The following NBEA variants were observed in gnomAD, a reference collection of about 807,000 sequenced individuals.
The protein encoded by NBEA is lysosomal-trafficking regulator 2.
A neutral mutation model predicts 343.4 loss-of-function variants in NBEA; 44 were observed. That is an observed-to-expected ratio of 0.13 (90% confidence interval 0.10 to 0.16). The LOEUF is 0.16. Among genes scored for constraint, NBEA ranks in the 10% least tolerant of loss-of-function variants. The probability of loss-of-function intolerance (pLI) is 1.00; values close to 1 mark genes in which losing one functional copy is unlikely to be tolerated. For missense variants in NBEA, 2,555 were observed against 3,631.3 expected (o/e 0.70, Z 7.62); for synonymous variants, 1,175 against 1,238.7 (o/e 0.95, Z 1.08).
chr13:35,303,445 C>G (rs555915427), intron 35 of NBEA, among the ~76,000 whole-genome samples: 3 of 152,166 alleles, frequency 2.0e-5, no homozygotes, highest in Admixed American at 1.3e-4. Flanking sequence ...GAATTTAAAA[C>G]CACATATATC....
chr13:35,502,241 A>T (rs1056064169), intron 41 of NBEA, among the ~76,000 whole-genome samples: 26 of 152,214 alleles, frequency 1.7e-4, no homozygotes, highest in Middle Eastern at 3.4e-3. Flanking sequence ...GCTATAAAAA[A>T]TTTTTGTTTA....
chr13:35,526,235 A>C (rs142132241), intron 41 of NBEA, among the ~76,000 whole-genome samples: 1 of 152,244 alleles, frequency 6.6e-6, no homozygotes, highest in Non-Finnish European at 1.5e-5. Context: ...TTATTTTGCT[A>C]TGAAACGGTC....
At chr13:35,360,409 A>G (rs2040742556) in intron 38 of NBEA, among the ~76,000 whole-genome samples, 1 of 152,036 alleles carries the variant, frequency 6.6e-6, no homozygotes, top group Non-Finnish European at 1.5e-5. Context: ...CATCCTAAAG[A>G]GGAAGTTAAC....
rs535233823 is a variant in NBEA at position 35,472,331 on chromosome 13, T to C, written c.6449-69T>C. 27 of 1,540,312 alleles carry C rather than the reference T, an allele frequency of 1.8e-5. No homozygotes were observed. In the East Asian group the frequency reaches 5.4e-4, roughly 31 times the overall value. Reference sequence around the variant, plus strand: ...CATCCTTACCAATAAAAACCTCTGGTACCTTTCTGGGAGGGAGCAGGAAGG... The same window carrying C: ...CATCCTTACCAATAAAAACCTCTGGCACCTTTCTGGGAGGGAGCAGGAAGG... On this transcript the variant is annotated intron_variant, in intron 40 of 58. Coordinates refer to ENST00000379939, the MANE Select transcript of NBEA (RefSeq NM_001385012.1).
chr13:35,359,085 C>G (rs928433796), intron 38 of NBEA, among the ~76,000 whole-genome samples: 1 of 152,140 alleles, frequency 6.6e-6, no homozygotes, highest in South Asian at 2.1e-4. Flanking sequence ...GGATTTGTGA[C>G]TTTATCCTAA....
At chr13:35,478,542 T>C (rs1467642331) in intron 41 of NBEA, among the ~76,000 whole-genome samples, 2 of 152,244 alleles carry the variant, frequency 1.3e-5, no homozygotes, top group Admixed American at 6.5e-5. Flanking sequence ...CTGCTCCGCA[T>C]TCCCGTGCCC....
At chr13:35,155,401 A>C (rs930046021) in intron 18 of NBEA, among the ~76,000 whole-genome samples, 2 of 152,090 alleles carry the variant, frequency 1.3e-5, no homozygotes, top group East Asian at 3.9e-4. Flanking sequence ...AGGCGGGTGG[A>C]TCATCTGAGG....
chr13:35,558,749 A>G (rs1258887800), intron 44 of NBEA, among the ~76,000 whole-genome samples: 1 of 152,160 alleles, frequency 6.6e-6, no homozygotes, highest in African/African-American at 2.4e-5. Flanking sequence ...TTTGAGCACA[A>G]TTGCATTAGC....
intron 48 of NBEA, among the ~76,000 whole-genome samples, chr13:35,617,336 C>G (rs2082780300): frequency 6.6e-6 from 1 of 152,140 alleles, no homozygotes; most frequent in Admixed American, 6.5e-5. Flanking sequence ...TTAAACTGCC[C>G]CAGTCTGTGT....
At chr13:35,449,024 A>G (rs930902832) in intron 39 of NBEA, among the ~76,000 whole-genome samples, 1 of 152,220 alleles carries the variant, frequency 6.6e-6, no homozygotes, top group African/African-American at 2.4e-5. Flanking sequence ...TGCAGAGGGA[A>G]TAACATTAGC....
chr13:35,157,784 C>T (rs2069276610), intron 21 of NBEA, among the ~76,000 whole-genome samples: 1 of 151,950 alleles, frequency 6.6e-6, no homozygotes, highest in South Asian at 2.1e-4. Flanking sequence ...GTGAATTAAA[C>T]TGTACAAGTA....
chr13:35,580,040 C>T (rs907399675), intron 45 of NBEA, among the ~76,000 whole-genome samples: 1 of 152,060 alleles, frequency 6.6e-6, no homozygotes. Flanking sequence ...ATATTGGAAA[C>T]AGTGCCTTTT....
intron 36 of NBEA, among the ~76,000 whole-genome samples, chr13:35,344,276 A>T (rs1397960342): frequency 1.3e-5 from 2 of 152,244 alleles, no homozygotes; most frequent in South Asian, 2.1e-4. Flanking sequence ...ATGAAGATAA[A>T]TCTATTTGCG....
At chr13:35,193,835 A>G (rs892563091) in intron 30 of NBEA, among the ~76,000 whole-genome samples, 1 of 151,972 alleles carries the variant, frequency 6.6e-6, no homozygotes, top group African/African-American at 2.4e-5. Flanking sequence ...CAAATAAACA[A>G]ACAAAATTTA....
chr13:35,232,610 T>C lies in NBEA; in HGVS notation c.5767T>C (p.Leu1923=). The C allele has an allele frequency of 6.6e-7, 1 of 1,511,196 alleles. No individual in the cohort carries two copies. The highest frequency in any genetic ancestry group is 1.3e-5 in the South Asian group (1 of 77,470). The allele number at this position is 1,511,196 out of a possible 1,614,324, so 93.6% of individuals were successfully genotyped here. A position where few individuals can be genotyped will look rare whatever the true frequency, so the allele number is the denominator to read the frequency against. The change falls in exon 34 of 59, where the codon TTG becomes CTG. Residue 1923 remains leucine, a synonymous_variant. Transcript: ENST00000379939. ...TLLGSHGQEL[L]IEGLVCMKSS... ...TCTTGGCAGTCATGGACAAGAGCTA[T>C]TGATAGAAGGTATGATTTCTCTATT...
chr13:35,201,161 A>T (rs1270717322), intron 31 of NBEA, among the ~76,000 whole-genome samples: 7 of 151,982 alleles, frequency 4.6e-5, no homozygotes, highest in African/African-American at 1.4e-4. Context: ...AAGTGCCCTG[A>T]GTATATATTT....
intron 49 of NBEA, among the ~76,000 whole-genome samples, chr13:35,633,695 G>GA (rs1263913041): frequency 6.6e-6 from 1 of 151,942 alleles, no homozygotes; most frequent in African/African-American, 2.4e-5. Context: ...ATTCATGGGA[G>GA]AAAAATATGT....
At chr13:34,989,229 C>T (rs2060663563) in intron 1 of NBEA, among the ~76,000 whole-genome samples, 1 of 150,836 alleles carries the variant, frequency 6.6e-6, no homozygotes, top group Non-Finnish European at 1.5e-5. Context: ...TCTTCCTCTT[C>T]TGCTGTAGTT....
At chr13:35,615,035 C>A (rs2153056755) in intron 48 of NBEA, among the ~76,000 whole-genome samples, 1 of 150,844 alleles carries the variant, frequency 6.6e-6, no homozygotes, top group African/African-American at 2.4e-5. Context: ...CTTAAAAAAT[C>A]ACTTTCAGAG....
Sources: allele counts gnomAD v4.1 joint callset (sites outside exome capture counted in the v4.1 genomes callset), GRCh38; gene constraint gnomAD v4.1.1; transcripts MANE v1.5; gene names NCBI Gene and HGNC (gene_info 2026-07-23, HGNC 2026-07-21).